Variants in AK8 observed in about 807,000 individuals in gnomAD.
AK8 encodes the protein adenylate kinase 8.
Under a neutral mutation model 54.6 loss-of-function variants are expected in AK8, and 44 were observed. The observed-to-expected ratio is 0.81, with a 90% CI of 0.63 to 1.04. AK8 has a LOEUF of 1.04. Ranked by LOEUF, AK8 falls within the 50% of genes least tolerant of loss-of-function variation. AK8 has a pLI of 0.00. For synonymous variants in AK8, 239 were observed against 245.6 expected, an observed-to-expected ratio of 0.97 and a Z score of 0.25; for missense variants, 555 against 613.6, an observed-to-expected ratio of 0.90 and a Z score of 1.01.
chr9:132,795,964 C>G (rs1287609848), intron 10 of AK8, among the ~76,000 whole-genome samples: 3 of 152,154 alleles, frequency 2.0e-5, no homozygotes, highest in Non-Finnish European at 2.9e-5. Flanking sequence ...TGAGTGTCAT[C>G]TCTAATAATC....
intron 4 of AK8, among the ~76,000 whole-genome samples, chr9:132,858,560 G>T (rs1185714238): frequency 6.6e-6 from 1 of 152,210 alleles, no homozygotes; most frequent in Admixed American, 6.5e-5. Context: ...CAGGTGAGAT[G>T]CCCTGATCTG....
Position 132,851,678 on chromosome 9 carries a change from G to A in AK8, c.402+3179C>T, listed in dbSNP as rs185332581. On this transcript the variant is annotated intron_variant, in intron 5 of 12. Coordinates refer to ENST00000298545, the MANE Select transcript of AK8 (RefSeq NM_152572.3). Reference sequence around the variant, plus strand: ...ATGTGCACATAGCACAGAGCTGCATGGTCGGTCACTGCACGGCACTGCAAA... The same window carrying A: ...ATGTGCACATAGCACAGAGCTGCATAGTCGGTCACTGCACGGCACTGCAAA... Among the ~76,000 whole-genome samples, 16 of 152,342 alleles carry A rather than the reference G, an allele frequency of 1.1e-4. No homozygotes were observed. In the East Asian group the frequency reaches 2.5e-3, roughly 24 times the overall value.
At chr9:132,744,476 C>A (rs1299355105) in intron 11 of AK8, among the ~76,000 whole-genome samples, 1 of 151,712 alleles carries the variant, frequency 6.6e-6, no homozygotes, top group East Asian at 1.9e-4. Flanking sequence ...GGAGGTCATC[C>A]TCGGTCAGAT....
intron 11 of AK8, among the ~76,000 whole-genome samples, chr9:132,740,817 C>T (rs533499193): frequency 6.6e-6 from 1 of 152,328 alleles, no homozygotes; most frequent in Admixed American, 6.5e-5. Flanking sequence ...TCATCTTCAT[C>T]TCCAGGGCTG....
At chr9:132,831,041 C>T (rs1038507195) in intron 5 of AK8, among the ~76,000 whole-genome samples, 2 of 152,198 alleles carry the variant, frequency 1.3e-5, no homozygotes, top group Non-Finnish European at 2.9e-5. Flanking sequence ...TCTATCTTTT[C>T]CCCTCTGAGG....
rs372600462 is a variant in AK8, at chr9:132,725,781, C to T, written c.1347G>A (p.Ser449=). ...CCTGGTCCCCATTGAGGGTGATGGC[C>T]GACCCATACAACTGCTCCAAGTCAG... ...NSADLEQLYG[S]AITLNGDQDP... is the part of the protein sequence containing the mutation. The change falls in exon 13 of 13, where the codon TCG becomes TCA. Residue 449 remains serine, a synonymous_variant. Coordinates refer to ENST00000298545, the MANE Select transcript of AK8 (RefSeq NM_152572.3). The T allele has an allele frequency of 3.0e-4, 488 of 1,601,932 alleles. 1 individual carries two copies. In the East Asian group the frequency reaches 6.0e-3, roughly 20 times the overall value.
At chr9:132,782,525 A>G (rs949413742) in intron 11 of AK8, among the ~76,000 whole-genome samples, 1 of 152,146 alleles carries the variant, frequency 6.6e-6, no homozygotes, top group African/African-American at 2.4e-5. Context: ...CCCCGTCTCT[A>G]CTAAAAATAC....
At chr9:132,780,321 C>T (rs1023551377) in intron 11 of AK8, among the ~76,000 whole-genome samples, 1 of 152,214 alleles carries the variant, frequency 6.6e-6, no homozygotes, top group African/African-American at 2.4e-5. Flanking sequence ...AGGCTTGGCC[C>T]CAGCAGACTG....
chr9:132,804,339 C>T (rs1034147240), intron 10 of AK8, among the ~76,000 whole-genome samples: 5 of 152,090 alleles, frequency 3.3e-5, no homozygotes, highest in Admixed American at 6.6e-5. Flanking sequence ...AGCAGCCGGC[C>T]GAGCAGACAG....
At chr9:132,784,208 G>A (rs973472526) in intron 11 of AK8, among the ~76,000 whole-genome samples, 1 of 152,076 alleles carries the variant, frequency 6.6e-6, no homozygotes, top group African/African-American at 2.4e-5. Context: ...GAGATCTCCC[G>A]AACACCCAGG....
chr9:132,863,432 G>A (rs1015579088), intron 4 of AK8, among the ~76,000 whole-genome samples: 6 of 152,214 alleles, frequency 3.9e-5, no homozygotes, highest in South Asian at 4.1e-4. Flanking sequence ...CACTCGACCC[G>A]TGATCCTTTC....
intron 2 of AK8, among the ~76,000 whole-genome samples, chr9:132,870,351 T>G (rs565839725): frequency 6.6e-6 from 1 of 152,344 alleles, no homozygotes; most frequent in East Asian, 1.9e-4. Flanking sequence ...GCTGCTGGAC[T>G]GCCAAGAGTA....
chr9:132,728,602 A>G (rs1016749208), intron 11 of AK8, among the ~76,000 whole-genome samples: 3 of 152,162 alleles, frequency 2.0e-5, no homozygotes, highest in Non-Finnish European at 4.4e-5. Context: ...TTTAATCACC[A>G]TTCCTAGATA....
At chr9:132,802,893 T>C (rs750205304) in intron 10 of AK8, among the ~76,000 whole-genome samples, 2 of 152,040 alleles carry the variant, frequency 1.3e-5, no homozygotes, top group Non-Finnish European at 2.9e-5. Context: ...TGCCATTAAA[T>C]TGGGGGGTAG....
Position 132,725,620 on chromosome 9 carries a change from C to G in AK8, c.*68G>C. 1 of 1,402,892 alleles carries G rather than the reference C, an allele frequency of 7.1e-7. No homozygotes were observed. The allele number at this position is 1,402,892 out of a possible 1,614,324, so 86.9% of individuals were successfully genotyped here. On this transcript the variant is annotated 3_prime_UTR_variant, in exon 13 of 13. Coordinates refer to ENST00000298545, the MANE Select transcript of AK8 (RefSeq NM_152572.3). ...TATTGGCTTTTTAGGGGAGCTGTGC[C>G]GAGGCTGGGGGGCTGGGGGCAGGGG...
In AK8 at chr9:132,859,545, C is replaced by T. The variant is rs1229548068; in HGVS notation, c.333+4120G>A. Among the ~76,000 whole-genome samples the T allele has an allele frequency of 2.6e-5, 4 of 151,898 alleles. No homozygotes were observed. The East Asian group carries it at 7.8e-4, about 29-fold the overall frequency. On this transcript the variant is annotated intron_variant, in intron 4 of 12. Coordinates refer to ENST00000298545, the MANE Select transcript of AK8 (RefSeq NM_152572.3). ...TTTTTTAAACAGTAGAAATTGAAGG[C>T]TCATAAGTACAGGATCAGCACCTGA...
intron 5 of AK8, among the ~76,000 whole-genome samples, chr9:132,845,564 G>A (rs1842717582): frequency 6.6e-6 from 1 of 152,104 alleles, no homozygotes; most frequent in South Asian, 2.1e-4. Context: ...CCCAGGCGAG[G>A]GGATCACTTG....
intron 11 of AK8, among the ~76,000 whole-genome samples, chr9:132,741,248 C>T (rs1236459463): frequency 6.6e-6 from 1 of 152,246 alleles, no homozygotes; most frequent in African/African-American, 2.4e-5. Flanking sequence ...GTCCGAATCC[C>T]CCCGACACTG....
At chr9:132,813,644 T>C (rs1293123132) in intron 10 of AK8, among the ~76,000 whole-genome samples, 1 of 152,168 alleles carries the variant, frequency 6.6e-6, no homozygotes, top group Non-Finnish European at 1.5e-5. Context: ...AAGAGACAGA[T>C]GCAGGATCCC....
Sources: gnomAD v4.1 joint callset for allele counts (sites outside exome capture counted in the v4.1 genomes callset) on GRCh38, gnomAD v4.1.1 for gene constraint, MANE v1.5 for transcripts, NCBI Gene and HGNC (gene_info 2026-07-23, HGNC 2026-07-21) for gene names.